The following CD163 variants were observed in gnomAD, a reference collection of about 807,000 sequenced individuals.
CD163 encodes scavenger receptor cysteine-rich type 1 protein M130.
CD163 carries 64 observed loss-of-function variants against 129.2 expected under a neutral mutation model. The ratio of observed to expected loss-of-function variants is 0.50; its 90% CI spans 0.41 to 0.61. The LOEUF (loss-of-function observed/expected upper bound fraction) is 0.61. Among genes scored for constraint, CD163 ranks in the 20% least tolerant of loss-of-function variants. The probability of loss-of-function intolerance (pLI) is 0.00; values close to 1 mark genes in which losing one functional copy is unlikely to be tolerated. For synonymous variants in CD163, 446 were observed against 478.5 expected, an observed-to-expected ratio of 0.93 and a Z score of 0.89; for missense variants, 1,061 against 1,377.9, an observed-to-expected ratio of 0.77 and a Z score of 3.64.
intron 3 of CD163, among the ~76,000 whole-genome samples, chr12:7,499,429 CTGTTT>C (rs149116394): frequency 0.15 from 23,397 of 152,018 alleles, 1,904 homozygotes; most frequent in South Asian, 0.26. Context: ...TTTAAACTTT[CTGTTT>C]TGTTTTGTTT....
rs1949232830 is a variant in CD163 at position 7,485,330 on chromosome 12, T to C, written c.2545A>G (p.Thr849Ala). The change falls in exon 11 of 17, where the codon ACT (threonine) becomes GCT (alanine). Residue 849 changes from threonine (T) to alanine (A), a missense_variant. Transcript: ENST00000432237. This position sits in a 1 kb window ranked among gnomAD's most constrained non-coding sequence, Gnocchi z 4.5. Reference sequence around the variant, plus strand: ...TCAGACATGCTACTCTTGCCAACAGTGCCCCAAGCTCCATTGTAAAAAACT... The same window carrying C: ...TCAGACATGCTACTCTTGCCAACAGCGCCCCAAGCTCCATTGTAAAAAACT... Reference protein sequence around the residue: ...LEVFYNGAWGTVGKSSMSETT... With the variant: ...LEVFYNGAWGAVGKSSMSETT... 1 of 1,614,192 alleles carries C rather than the reference T, an allele frequency of 6.2e-7. No homozygotes were observed. Among genetic ancestry groups the C allele is most frequent in the Non-Finnish European group, 8.5e-7 (1 of 1,180,018 alleles).
At chr12:7,493,529 ACTGT>A (rs1281142886) in intron 6 of CD163, among the ~76,000 whole-genome samples, 2 of 152,302 alleles carry the variant, frequency 1.3e-5, no homozygotes, top group African/African-American at 4.8e-5. Flanking sequence ...AAAAGTGAAC[ACTGT>A]CTTTCTTCAG....
intron 3 of CD163, among the ~76,000 whole-genome samples, chr12:7,500,520 A>C (rs1949469347): frequency 1.3e-5 from 2 of 151,604 alleles, no homozygotes; most frequent in African/African-American, 2.4e-5. Context: ...ATTTGTCAGC[A>C]GAAAGGCCTG....
chr12:7,497,150 CA>C lies in CD163; in HGVS notation c.779-18del. On this transcript the variant is annotated intron_variant, in intron 4 of 16. Coordinates refer to ENST00000432237, the MANE Select transcript of CD163 (RefSeq NM_203416.4). ...CTGCTCCCTCTGTAACAGAGACACACAACAGGTCTGCGATAAGGAAGCAAGA... is the reference window on the plus strand; with the variant it reads ...CTGCTCCCTCTGTAACAGAGACACACACAGGTCTGCGATAAGGAAGCAAGA... 1 of 1,601,730 alleles carries C rather than the reference CA, an allele frequency of 6.2e-7. No individual in the cohort carries two copies. Among genetic ancestry groups the C allele is most frequent in the Non-Finnish European group, 8.5e-7 (1 of 1,173,754 alleles).
Position 7,495,091 on chromosome 12 carries a change from A to G in CD163, c.1410T>C (p.Ile470=). The change falls in exon 6 of 17, where the codon ATT becomes ATC. Residue 470 remains isoleucine (I), a synonymous_variant. Coordinates refer to ENST00000432237, the MANE Select transcript of CD163 (RefSeq NM_203416.4). ...GATTGAAAGTCATACCTGAGCAGGT[A>G]ATTTTGGCTTCTTCATAGTGATCAC... ...LTCDHYEEAK[I]TCSAHREPRL... is the part of the protein sequence containing the mutation. 1.2e-6 allele frequency: 2 copies of G among 1,613,474 alleles called. No homozygotes were observed. The highest frequency in any genetic ancestry group is 1.7e-6 in the Non-Finnish European group (2 of 1,179,386).
intron 14 of CD163, among the ~76,000 whole-genome samples, chr12:7,482,279 T>C (rs1458391218): frequency 6.6e-6 from 1 of 152,222 alleles, no homozygotes; most frequent in Admixed American, 6.5e-5. Context: ...AATTCTGTAA[T>C]GTTCCAGTTA....
At chr12:7,484,119 G>A (rs925393513) in intron 11 of CD163, among the ~76,000 whole-genome samples, 1 of 151,764 alleles carries the variant, frequency 6.6e-6, no homozygotes, top group African/African-American at 2.4e-5. Flanking sequence ...TTACAGGCGT[G>A]AGCCACCGTG....
At chr12:7,480,560 G>A (rs1949148852) in intron 15 of CD163, 1 of 153,124 alleles carries the variant, frequency 6.5e-6, no homozygotes. Flanking sequence ...GTAGGTCAGA[G>A]GATACAAAGT....
intron 14 of CD163, among the ~76,000 whole-genome samples, chr12:7,482,293 A>G (rs1036444037): frequency 1.3e-4 from 20 of 152,224 alleles, no homozygotes; most frequent in Admixed American, 1.2e-3. Context: ...CCAGTTAAGC[A>G]TGTAGATAGA....
intron 6 of CD163, among the ~76,000 whole-genome samples, chr12:7,493,518 A>T (rs756396996): frequency 6.6e-6 from 1 of 152,354 alleles, no homozygotes; most frequent in Admixed American, 6.5e-5. Flanking sequence ...TTTAAATGAG[A>T]AAAAGTGAAC....
chr12:7,473,312 G>C (rs1949033592), intron 16 of CD163: 1 of 152,130 alleles, frequency 6.6e-6, no homozygotes. Flanking sequence ...AAAATGTTAA[G>C]GGCACCAGAG....
chr12:7,492,329 A>ATCTGAATAGAAT (rs753136632), intron 6 of CD163, among the ~76,000 whole-genome samples: 11 of 152,262 alleles, frequency 7.2e-5, no homozygotes, highest in Admixed American at 2.0e-4. Context: ...TATTATACAC[A>ATCTGAATAGAAT]TCTGAATAGA....
chr12:7,481,561 C>G (rs1162455869), intron 14 of CD163, among the ~76,000 whole-genome samples: 1 of 152,076 alleles, frequency 6.6e-6, no homozygotes, highest in Admixed American at 6.6e-5. Context: ...CTTTCCTCTC[C>G]CCTCCATTCT....
rs1377790915 is a variant in CD163, at chr12:7,501,454, C to A, written c.142G>T (p.Asp48Tyr). 4.3e-6 allele frequency: 7 copies of A among 1,613,176 alleles called. No individual in the cohort carries two copies. The South Asian group carries it at 6.6e-5, about 15-fold the overall frequency. ...CFVTSSLGGT[D>Y]KELRLVDGEN... ...CCATCCACTAGCCTCAGCTCCTTGT[C>A]TGTTCCTCCTGCAACAATGGATTAA... The change falls in exon 3 of 17, where the codon GAC becomes TAC. Residue 48 changes from aspartate to tyrosine, a missense_variant. Asp to Tyr is a radical substitution (Grantham distance 160, BLOSUM62 -3). Transcript: ENST00000432237.
chr12:7,485,654 G>C lies in CD163; in HGVS notation c.2459-238C>G, dbSNP rs906557689. On this transcript the variant is annotated intron_variant, in intron 10 of 16. Coordinates refer to ENST00000432237, the MANE Select transcript of CD163 (RefSeq NM_203416.4). This position sits in a 1 kb window ranked among gnomAD's most constrained non-coding sequence, Gnocchi z 4.5. ...GGTTTTGGACTCAGAGTCCTCTTTA[G>C]ATTACCCTCAATCATTCTAATAGGC... Among the ~76,000 whole-genome samples, 4 of 151,930 alleles carry C rather than the reference G, an allele frequency of 2.6e-5. No individual in the cohort carries two copies. The highest frequency in any genetic ancestry group is 5.9e-5 in the Non-Finnish European group (4 of 67,978).
intron 6 of CD163, 27 bp from the exon 7 acceptor site, chr12:7,488,114 G>T: frequency 6.5e-7 from 1 of 1,544,500 alleles, no homozygotes; most frequent in Non-Finnish European, 8.7e-7. Context: ...ATTTCAGTGA[G>T]AGGTAATATG....
At chr12:7,488,801 T>C (rs1949291391) in intron 6 of CD163, among the ~76,000 whole-genome samples, 1 of 152,230 alleles carries the variant, frequency 6.6e-6, no homozygotes, top group African/African-American at 2.4e-5. Flanking sequence ...CAAAGTTGAA[T>C]GAATTATTGT....
chr12:7,474,124 A>T (rs961731340), intron 16 of CD163, among the ~76,000 whole-genome samples: 18 of 152,150 alleles, frequency 1.2e-4, no homozygotes, highest in Non-Finnish European at 2.9e-5. Context: ...CCCACACAAT[A>T]GTAGTGGGAG....
chr12:7,496,973 G>A lies in CD163; in HGVS notation c.939C>T (p.Val313=). 1.2e-6 allele frequency: 2 copies of A among 1,614,066 alleles called. No individual in the cohort carries two copies. The highest frequency in any genetic ancestry group is 2.2e-5 in the South Asian group (2 of 91,086). Residue 313 remains valine, a synonymous_variant, in exon 5 of 17, where the codon GTC becomes GTT. Transcript: ENST00000432237. The surrounding 1 kb of genome is among the most constrained non-coding windows in gnomAD (Gnocchi z 4.8). ...TGGCGTTAACTCGACCAATGGCTGT[G>A]ACGGCAGTTGGACATCCCAGTTGCT... is the stretch of plus-strand genomic sequence containing the variant. ...ACKQLGCPTA[V]TAIGRVNASK...
Sources: allele counts gnomAD v4.1 joint callset (sites outside exome capture counted in the v4.1 genomes callset), GRCh38; gene constraint gnomAD v4.1.1; non-coding constraint Gnocchi (gnomAD v3.1); transcripts MANE v1.5; gene names NCBI Gene and HGNC (gene_info 2026-07-23, HGNC 2026-07-21).